Variants in PSMD14 observed in about 807,000 individuals in gnomAD.
PSMD14 encodes proteasome 26S subunit, non-ATPase 14, also known as ubiquitin C-terminal hydrolase PSMD14.
In PSMD14, 7 loss-of-function variants were observed where a neutral mutation model predicts 41.2. The observed-to-expected ratio is 0.17, with a 90% CI of 0.10 to 0.32. The LOEUF is 0.32. Ranked by LOEUF, PSMD14 falls within the 10% of genes least tolerant of loss-of-function variation. PSMD14 has a pLI of 1.00. For missense variants in PSMD14, 139 were observed against 375.6 expected (o/e 0.37, Z 5.21); for synonymous variants, 114 against 122.3 (o/e 0.93, Z 0.45).
chr2:161,332,568 G>C (rs1157719890), intron 3 of PSMD14, among the ~76,000 whole-genome samples: 3 of 152,172 alleles, frequency 2.0e-5, no homozygotes, highest in Non-Finnish European at 4.4e-5. Flanking sequence ...AGATGGGTTA[G>C]CTGGGATGTT....
At chr2:161,367,694 A>G (rs1181915877) in intron 4 of PSMD14, 90 bp from the exon 5 acceptor site, 1 of 1,502,536 alleles carries the variant, frequency 6.7e-7, no homozygotes, top group African/African-American at 1.4e-5. Flanking sequence ...TTTTATTTTC[A>G]CTGGAACAAA....
chr2:161,328,319 G>A (rs1275473769), intron 3 of PSMD14, among the ~76,000 whole-genome samples: 1 of 151,990 alleles, frequency 6.6e-6, no homozygotes, highest in Non-Finnish European at 1.5e-5. Context: ...AATGAACTAG[G>A]TTCTATATAC....
chr2:161,352,190 A>G (rs1042577326), intron 3 of PSMD14, among the ~76,000 whole-genome samples: 1 of 152,172 alleles, frequency 6.6e-6, no homozygotes, highest in African/African-American at 2.4e-5. Flanking sequence ...TTATAAGTTT[A>G]TATCAGTGAT....
At chr2:161,356,242 C>A (rs914619759) in intron 3 of PSMD14, among the ~76,000 whole-genome samples, 1 of 152,156 alleles carries the variant, frequency 6.6e-6, no homozygotes, top group Non-Finnish European at 1.5e-5. Flanking sequence ...TGCCAATTAA[C>A]ACCTCCTATA....
intron 3 of PSMD14, among the ~76,000 whole-genome samples, chr2:161,357,419 AT>A (rs1683223373): frequency 6.6e-6 from 1 of 152,116 alleles, no homozygotes; most frequent in Non-Finnish European, 1.5e-5. Flanking sequence ...TCACTGACTT[AT>A]AATTTTAGTC....
intron 1 of PSMD14, among the ~76,000 whole-genome samples, chr2:161,315,147 G>T (rs553512167): frequency 1.3e-5 from 2 of 152,298 alleles, no homozygotes; most frequent in East Asian, 3.9e-4. Context: ...CCCCGGGGAC[G>T]TTTGGTAAAG....
At chr2:161,340,183 G>T (rs1416842737) in intron 3 of PSMD14, among the ~76,000 whole-genome samples, 1 of 152,122 alleles carries the variant, frequency 6.6e-6, no homozygotes, top group East Asian at 1.9e-4. Flanking sequence ...GGCTGAATCC[G>T]AGATTCCTCT....
In PSMD14 at chr2:161,385,605, T is replaced by C. The variant is rs1683624220; in HGVS notation, c.570+34T>C. On this transcript the variant is annotated intron_variant, in intron 8 of 11. Transcript: ENST00000409682. ...TATATTTGATAATGTGTTAAAACTC[T>C]TTTAAATTTTAAAAGCCTGCTATAA... 6 of 1,328,076 alleles carry C rather than the reference T, an allele frequency of 4.5e-6. No homozygotes were observed. In the East Asian group the frequency reaches 1.4e-4, roughly 31 times the overall value. The allele number at this position is 1,328,076 out of a possible 1,614,324, so 82.3% of individuals were successfully genotyped here.
chr2:161,341,790 G>C (rs1023490854), intron 3 of PSMD14, among the ~76,000 whole-genome samples: 1 of 141,310 alleles, frequency 7.1e-6, no homozygotes, highest in Non-Finnish European at 1.5e-5. Flanking sequence ...AGTGAGCCGA[G>C]ATCAGCCACT....
intron 8 of PSMD14, 119 bp from the exon 9 acceptor site, chr2:161,390,985 T>C (rs1683703582): frequency 1.1e-6 from 1 of 920,778 alleles, no homozygotes; most frequent in Non-Finnish European, 1.5e-6. Flanking sequence ...TTACTTGAAA[T>C]AAAATGCCTT....
chr2:161,317,487 G>A (rs1224981194), intron 2 of PSMD14, among the ~76,000 whole-genome samples: 1 of 152,166 alleles, frequency 6.6e-6, no homozygotes, highest in Non-Finnish European at 1.5e-5. Flanking sequence ...AGCGGGGCTT[G>A]GGTGGCGTTT....
intron 3 of PSMD14, among the ~76,000 whole-genome samples, chr2:161,334,596 CT>C (rs1199125883): frequency 6.6e-5 from 10 of 152,206 alleles, no homozygotes; most frequent in Non-Finnish European, 1.3e-4. Context: ...TTTTAAAGTG[CT>C]CCTCTGTAGA....
At chr2:161,402,115 T>C (rs1683887280) in intron 10 of PSMD14, among the ~76,000 whole-genome samples, 1 of 152,228 alleles carries the variant, frequency 6.6e-6, no homozygotes, top group South Asian at 2.1e-4. Flanking sequence ...ACTAAATTCT[T>C]GAATTAATCT....
At chr2:161,323,585 C>T (rs1232842529) in intron 3 of PSMD14, among the ~76,000 whole-genome samples, 1 of 152,056 alleles carries the variant, frequency 6.6e-6, no homozygotes, top group African/African-American at 2.4e-5. Context: ...ATCACTTGAA[C>T]CCAGGAGGTG....
intron 7 of PSMD14, among the ~76,000 whole-genome samples, chr2:161,378,064 A>G (rs547575687): frequency 1.3e-5 from 2 of 152,012 alleles, no homozygotes; most frequent in African/African-American, 4.8e-5. Context: ...GTTATTTGTG[A>G]GGATATTTCT....
chr2:161,324,751 G>A (rs939388014), intron 3 of PSMD14, among the ~76,000 whole-genome samples: 2 of 151,912 alleles, frequency 1.3e-5, no homozygotes, highest in African/African-American at 4.8e-5. Flanking sequence ...AGGTAAAGGG[G>A]AAGAGATTAA....
intron 3 of PSMD14, among the ~76,000 whole-genome samples, chr2:161,343,093 AC>A: frequency 6.6e-6 from 1 of 152,266 alleles, no homozygotes; most frequent in Middle Eastern, 3.4e-3. Flanking sequence ...CATAAAGCTT[AC>A]CATTTTAATC....
intron 8 of PSMD14, among the ~76,000 whole-genome samples, chr2:161,390,509 CT>C (rs1377401249): frequency 6.6e-6 from 1 of 152,094 alleles, no homozygotes; most frequent in Non-Finnish European, 1.5e-5. Context: ...TATGATTGGC[CT>C]GTTCACCTTG....
At chr2:161,343,827 CAAAA>C (rs35338761) in intron 3 of PSMD14, among the ~76,000 whole-genome samples, 2 of 148,072 alleles carry the variant, frequency 1.4e-5, no homozygotes, top group Non-Finnish European at 1.5e-5. Context: ...TACTCTGTCT[CAAAA>C]AAAAAAAAAA....
Sources: gnomAD v4.1 joint callset for allele counts (sites outside exome capture counted in the v4.1 genomes callset) on GRCh38, gnomAD v4.1.1 for gene constraint, MANE v1.5 for transcripts, NCBI Gene and HGNC (gene_info 2026-07-23, HGNC 2026-07-21) for gene names.